The following IGFN1 variants were observed in gnomAD, a reference collection of about 807,000 sequenced individuals.
IGFN1 encodes immunoglobulin-like and fibronectin type III domain-containing protein 1.
Under a neutral mutation model 289.5 loss-of-function variants are expected in IGFN1, and 253 were observed. The observed-to-expected ratio is 0.87, with a 90% confidence interval of 0.79 to 0.97. IGFN1 has a LOEUF of 0.97. IGFN1 is among the 50% of genes least tolerant of loss of function. IGFN1 has a pLI of 0.00. For synonymous variants in IGFN1, 1,706 were observed against 1,788.5 expected (o/e 0.95, Z 1.16); for missense variants, 4,470 against 4,686.1 (o/e 0.95, Z 1.35).
At chr1:201,224,391 T>C (rs1653944567) in intron 20 of IGFN1, among the ~76,000 whole-genome samples, 1 of 152,138 alleles carries the variant, frequency 6.6e-6, no homozygotes, top group South Asian at 2.1e-4. Flanking sequence ...TGTCCAGATG[T>C]CTGTAGAGGT....
In IGFN1 at chr1:201,227,087, C is replaced by T. The variant is rs916747071; in HGVS notation, c.10992C>T (p.Asp3664=). The T allele has an allele frequency of 3.1e-6, 5 of 1,613,546 alleles. No homozygotes were observed. The highest frequency in any genetic ancestry group is 4.2e-6 in the Non-Finnish European group (5 of 1,180,050). The change falls in exon 23 of 24, where the codon GAC becomes GAT. Residue 3664 remains aspartate, a synonymous_variant. Coordinates refer to ENST00000335211, the MANE Select transcript of IGFN1 (RefSeq NM_001164586.2). ...GAAACCCCGCGGTGTACAGCACTGA[C>T]CTGCTGGGCGTGTGCTCCCTCACCA... ...LEGNPAVYST[D]LLGVCSLTIP... is the part of the protein sequence containing the mutation.
chr1:201,206,938 G>A lies in IGFN1; in HGVS notation c.2045G>A (p.Arg682Lys), dbSNP rs1444190913. Residue 682 changes from arginine (R) to lysine (K), a missense_variant, in exon 12 of 24, where the codon AGA becomes AAA. Coordinates refer to ENST00000335211, the MANE Select transcript of IGFN1 (RefSeq NM_001164586.2). ...GGCACCCTGGAGCTTACTGGAGGAAGAGGTTCTGGCTCCAAGGTGGGCATG... is the reference window on the plus strand; with the variant it reads ...GGCACCCTGGAGCTTACTGGAGGAAAAGGTTCTGGCTCCAAGGTGGGCATG... ...GPGTLELTGG[R>K]GSGSKVGMAP... 25 of 1,536,390 alleles carry A rather than the reference G, an allele frequency of 1.6e-5. No homozygotes were observed. In the East Asian group the frequency reaches 5.1e-4, roughly 32 times the overall value.
Position 201,210,830 on chromosome 1 carries a change from T to C in IGFN1, c.5937T>C (p.Gly1979=), listed in dbSNP as rs1667725247. ...PKGMGSGSKE[G]FRDGLGGSEE... The stretch of plus-strand genomic sequence containing the variant: ...GAATGGGTTCAGGGAGTAAGGAAGG[T>C]TTCAGGGATGGTTTAGGGGGTTCTG... The change falls in exon 12 of 24, where the codon GGT becomes GGC. Residue 1979 remains glycine (G), a synonymous_variant. Transcript: ENST00000335211. 6.5e-7 allele frequency: 1 copy of C among 1,531,168 alleles called. No homozygotes were observed. Among genetic ancestry groups the C allele is most frequent in the African/African-American group, 1.4e-5 (1 of 70,678 alleles). The allele number at this position is 1,531,168 out of a possible 1,614,324, so 94.8% of individuals were successfully genotyped here.
Position 201,215,607 on chromosome 1 carries a change from C to T in IGFN1, c.9064C>T (p.Pro3022Ser). 1 of 1,613,052 alleles carries T rather than the reference C, an allele frequency of 6.2e-7. No homozygotes were observed. The highest frequency in any genetic ancestry group is 8.5e-7 in the Non-Finnish European group (1 of 1,179,534). ...REPLVVKAGK[P>S]VIVKIPFQSH... is the part of the protein sequence containing the mutation. ...GCCACTGGTGGTCAAGGCTGGGAAG[C>T]CGGTGATAGTGAAGATCCCCTTCCA... The change falls in exon 15 of 24, where the codon CCG becomes TCG. Residue 3022 changes from proline (P) to serine (S), a missense_variant. Around this residue, in one of 8 missense-constraint regions of IGFN1, gnomAD observed 2,218 missense variants for 2,114.1 expected, o/e 1.05. Transcript: ENST00000335211.
At chr1:201,195,137 A>G (rs1313672659) in intron 3 of IGFN1, among the ~76,000 whole-genome samples, 11 of 149,854 alleles carry the variant, frequency 7.3e-5, no homozygotes, top group Non-Finnish European at 1.6e-4. Flanking sequence ...AAGGGAAGCC[A>G]GAAAATCTCT....
rs1290870587 is a variant in IGFN1 at position 201,214,148 on chromosome 1, C to A, written c.8729-29C>A. The A allele has an allele frequency of 6.9e-6, 11 of 1,589,168 alleles. No homozygotes were observed. In the South Asian group the frequency reaches 7.9e-5, roughly 11 times the overall value. ...GCAGGCCATGGCCTGGGGCGCTCGG[C>A]CCTGGGGATTCCCTCTGTGTCTCTC... On this transcript the variant is annotated intron_variant, in intron 12 of 23. Coordinates refer to ENST00000335211, the MANE Select transcript of IGFN1 (RefSeq NM_001164586.2).
rs548811447 is a variant in IGFN1 at position 201,202,785 on chromosome 1, T to C, written c.747+953T>C. On this transcript the variant is annotated intron_variant, in intron 9 of 23. Coordinates refer to ENST00000335211, the MANE Select transcript of IGFN1 (RefSeq NM_001164586.2). ...CCTTCCTTCCTTCCTTCCTTTCTTC[T>C]CATTCTGTTGCTCAGCCTGGAGTGC... 1.0e-4 allele frequency among the ~76,000 whole-genome samples: 13 copies of C among 127,832 alleles called. No individual in the cohort carries two copies. The East Asian group carries it at 2.3e-3, about 22-fold the overall frequency. 83.9% of individuals were successfully genotyped at this position (127,832 alleles called of 152,430 possible). A position where few individuals can be genotyped will look rare whatever the true frequency, so the allele number is the denominator to read the frequency against.
In IGFN1 at chr1:201,213,462, C is replaced by T; in HGVS notation, c.8569C>T (p.Leu2857=). 1 of 1,614,000 alleles carries T rather than the reference C, an allele frequency of 6.2e-7. No homozygotes were observed. The highest frequency in any genetic ancestry group is 8.5e-7 in the Non-Finnish European group (1 of 1,179,950). ...GAACTGGGGGTGCCTGGAGGAGATGCTGAATGAAGATCAGAGCCGGGAGCC... is the reference window on the plus strand; with the variant it reads ...GAACTGGGGGTGCCTGGAGGAGATGTTGAATGAAGATCAGAGCCGGGAGCC... ...GENWGCLEEM[L]NEDQSREPPG... Residue 2857 remains leucine (L), a synonymous_variant, in exon 12 of 24, where the codon CTG becomes TTG. Transcript: ENST00000335211.
rs761003060 is a variant in IGFN1, at chr1:201,215,543, C to A, written c.9000C>A (p.Ser3000=). Residue 3000 remains serine, a synonymous_variant, in exon 15 of 24, where the codon TCC becomes TCA. Transcript: ENST00000335211. ...ACTCTCTTGTTTTATTTCTAGATTC[C>A]CCTACCATTGCTCCAGATGTGACAG... ...QSEATLTVQD[S]PTIAPDVTEK... is the part of the protein sequence containing the mutation. 1 of 1,564,026 alleles carries A rather than the reference C, an allele frequency of 6.4e-7. No individual in the cohort carries two copies. Among genetic ancestry groups the A allele is most frequent in the South Asian group, 1.2e-5 (1 of 82,850 alleles).
In IGFN1 at chr1:201,209,160, G is replaced by A. The variant is rs775266263; in HGVS notation, c.4267G>A (p.Gly1423Ser). The part of the protein sequence containing the change: ...GIGGYGEMGS[G>S]YREDLGAPEG... Reference sequence around the variant, plus strand: ...TGGAGGTTATGGGGAAATGGGGTCAGGTTATAGGGAGGATTTGGGGGCTCC... The same window carrying A: ...TGGAGGTTATGGGGAAATGGGGTCAAGTTATAGGGAGGATTTGGGGGCTCC... The change falls in exon 12 of 24, where the codon GGT (glycine) becomes AGT (serine). Residue 1423 changes from glycine to serine, a missense_variant. By Grantham distance (56) the Gly-to-Ser change is moderately conservative. This residue lies in a region of IGFN1 where 2,011 missense variants were observed against 1,953.4 expected (regional missense o/e 1.03). Coordinates refer to ENST00000335211, the MANE Select transcript of IGFN1 (RefSeq NM_001164586.2). 2.6e-6 allele frequency: 4 copies of A among 1,517,848 alleles called. No homozygotes were observed. Among genetic ancestry groups the A allele is most frequent in the African/African-American group, 1.4e-5 (1 of 72,178 alleles). 94.0% of individuals were successfully genotyped at this position (1,517,848 alleles called of 1,614,324 possible). A position where few individuals can be genotyped will look rare whatever the true frequency, so the allele number is the denominator to read the frequency against.
rs1398580947 is a variant in IGFN1, at chr1:201,197,284, G to T, written c.334G>T (p.Ala112Ser). Residue 112 changes from alanine to serine, a missense_variant, in exon 5 of 24, where the codon GCC becomes TCC. By Grantham distance (99) the Ala-to-Ser change is moderately conservative (BLOSUM62 1). Transcript: ENST00000335211. The stretch of plus-strand genomic sequence containing the variant: ...CACAGCAGTAAATGCGTACGGAGAG[G>T]CCGCTTGCTCAGTGAGACTCACTGT... ...RCTAVNAYGE[A>S]ACSVRLTVIE... is the part of the protein sequence containing the mutation. 6.4e-7 allele frequency: 1 copy of T among 1,551,436 alleles called. No individual in the cohort carries two copies. Among genetic ancestry groups the T allele is most frequent in the East Asian group, 2.4e-5 (1 of 40,920 alleles).
chr1:201,209,262 G>A lies in IGFN1; in HGVS notation c.4369G>A (p.Glu1457Lys), dbSNP rs113086091. 3.4e-5 allele frequency: 50 copies of A among 1,487,782 alleles called. 2 individuals carry two copies. In the African/African-American group the frequency reaches 3.5e-4, roughly 11 times the overall value. The allele number at this position is 1,487,782 out of a possible 1,614,324, so 92.2% of individuals were successfully genotyped here. The change falls in exon 12 of 24, where the codon GAG (glutamate) becomes AAG (lysine). Residue 1457 changes from glutamate (E) to lysine (K), a missense_variant. This residue lies in a region of IGFN1 where 2,011 missense variants were observed against 1,953.4 expected (regional missense o/e 1.03). Coordinates refer to ENST00000335211, the MANE Select transcript of IGFN1 (RefSeq NM_001164586.2). The part of the protein sequence containing the change: ...RGSGEMRSMD[E>K]AGYRKNLGAP... ...TTCTGGAGAAATGAGGTCAATGGAT[G>A]AGGCAGGTTATAGGAAAAATTTGGG... is the stretch of plus-strand genomic sequence containing the variant.
chr1:201,224,990 A>C, intron 21 of IGFN1, 116 bp downstream of exon 21: 1 of 702,368 alleles, frequency 1.4e-6, no homozygotes, highest in Non-Finnish European at 2.3e-6. Flanking sequence ...GGGTATGCAA[A>C]GTGACCATTC....
chr1:201,216,428 TC>T, intron 15 of IGFN1, 25 bp from the exon 16 acceptor site: 1 of 1,516,398 alleles, frequency 6.6e-7, no homozygotes, highest in Non-Finnish European at 8.8e-7. Context: ...CCCCTCCTCT[TC>T]CCGCTCCTCT....
intron 19 of IGFN1, 45 bp from the exon 20 acceptor site, chr1:201,222,694 A>G: frequency 2.1e-6 from 3 of 1,453,824 alleles, no homozygotes; most frequent in East Asian, 2.3e-5. Context: ...CTGGGGTCCA[A>G]CTGTGAGGGA....
At position 201,228,629 on chromosome 1, in the gene IGFN1, A is replaced by C; in HGVS notation, c.*230A>C. 1.7e-6 allele frequency: 1 copy of C among 599,996 alleles called. No homozygotes were observed. The highest frequency in any genetic ancestry group is 2.0e-5 in the South Asian group (1 of 50,856). 37.2% of individuals were successfully genotyped at this position (599,996 alleles called of 1,614,324 possible). ...GCTCCAAGCTAAGTCACTCAACAGA[A>C]TGACAGCGAACCTCCTGGACCCTCA... On this transcript the variant is annotated 3_prime_UTR_variant, in exon 24 of 24. Transcript: ENST00000335211.
Position 201,226,082 on chromosome 1 carries a change from C to A in IGFN1, c.10745C>A (p.Pro3582His). The change falls in exon 22 of 24, where the codon CCC (proline) becomes CAC (histidine). Residue 3582 changes from proline to histidine, a missense_variant. Physicochemically the swap from Pro to His is moderately conservative, Grantham distance 77. Transcript: ENST00000335211. ...AAGAATGAGCTGGGGGCCAGCAAAC[C>A]CTCGGACACCAGCCAGCCCTGGTGC... ...VAKNELGASK[P>H]SDTSQPWCIP... 6.2e-7 allele frequency: 1 copy of A among 1,603,842 alleles called. No homozygotes were observed. The highest frequency in any genetic ancestry group is 8.5e-7 in the Non-Finnish European group (1 of 1,173,850).
rs776790101 is a variant in IGFN1 at position 201,201,848 on chromosome 1, C to T, written c.747+16C>T. On this transcript the variant is annotated intron_variant, in intron 9 of 23. Coordinates refer to ENST00000335211, the MANE Select transcript of IGFN1 (RefSeq NM_001164586.2). ...CCTGTATAAGGTGAGGCTGGAGGGG[C>T]TATGGGTGGGGGGGATCTGGCAGGG... 13 of 883,442 alleles carry T rather than the reference C, an allele frequency of 1.5e-5. 1 individual carries two copies. In the South Asian group the frequency reaches 1.8e-4, roughly 12 times the overall value. The allele number at this position is 883,442 out of a possible 1,614,324, so 54.7% of individuals were successfully genotyped here. A position where few individuals can be genotyped will look rare whatever the true frequency, so the allele number is the denominator to read the frequency against.
In IGFN1 at chr1:201,210,742, G is replaced by T. The variant is rs1667717818; in HGVS notation, c.5849G>T (p.Gly1950Val). 4 of 1,531,220 alleles carry T rather than the reference G, an allele frequency of 2.6e-6. No homozygotes were observed. In the Admixed American group the frequency reaches 8.0e-5, roughly 30 times the overall value. 94.9% of individuals were successfully genotyped at this position (1,531,220 alleles called of 1,614,324 possible). A position where few individuals can be genotyped will look rare whatever the true frequency, so the allele number is the denominator to read the frequency against. Residue 1950 changes from glycine (G) to valine (V), a missense_variant, in exon 12 of 24, where the codon GGT (glycine) becomes GTT (valine). This residue lies in a region of IGFN1 where 108 missense variants were observed against 128.7 expected (regional missense o/e 0.84). Transcript: ENST00000335211. ...GAAGGTTTCAGGGATGGTTTAGGGG[G>T]TTCTGAAGAAATGGGGTCAGTGAAT... ...SKEGFRDGLG[G>V]SEEMGSVNKA...
Sources: allele counts gnomAD v4.1 joint callset (sites outside exome capture counted in the v4.1 genomes callset), GRCh38; gene constraint gnomAD v4.1.1; regional missense constraint gnomAD v4.1.1; transcripts MANE v1.5; gene names NCBI Gene and HGNC (gene_info 2026-07-23, HGNC 2026-07-21).